SLF1: variants seen among roughly 807,000 people sequenced by gnomAD.
SLF1 encodes SMC5-SMC6 complex localization factor protein 1.
Under a neutral mutation model 123.0 loss-of-function variants are expected in SLF1, and 105 were observed. The observed-to-expected ratio is 0.85, with a 90% confidence interval of 0.73 to 1.00. The LOEUF (loss-of-function observed/expected upper bound fraction) is 1.00, where lower values mean the gene tolerates loss of function less well. SLF1 is among the 50% of genes least tolerant of loss of function. The probability of loss-of-function intolerance (pLI) is 0.00; values close to 1 mark genes in which losing one functional copy is unlikely to be tolerated. For missense variants in SLF1, 1,239 were observed against 1,223.0 expected (o/e 1.01, Z -0.20); for synonymous variants, 434 against 406.6 (o/e 1.07, Z -0.81).
intron 8 of SLF1, among the ~76,000 whole-genome samples, chr5:94,653,865 T>G (rs1161557325): frequency 6.6e-6 from 1 of 152,056 alleles, no homozygotes; most frequent in Admixed American, 6.6e-5. Context: ...TTTTTTTTTT[T>G]TTAACGATCT....
intron 4 of SLF1, among the ~76,000 whole-genome samples, chr5:94,635,246 G>A (rs1225999009): frequency 3.4e-5 from 5 of 147,598 alleles, no homozygotes; most frequent in East Asian, 4.0e-4. Flanking sequence ...CTTGGTTTTC[G>A]TTTACATGGA....
At chr5:94,656,915 TA>T (rs569429055) in intron 9 of SLF1, among the ~76,000 whole-genome samples, 57 of 150,862 alleles carry the variant, frequency 3.8e-4, no homozygotes, top group Middle Eastern at 3.4e-3. Context: ...GTTTAACTTT[TA>T]AAAAAAATTA....
intron 5 of SLF1, among the ~76,000 whole-genome samples, chr5:94,648,188 T>C (rs1464337029): frequency 1.3e-5 from 2 of 152,196 alleles, no homozygotes; most frequent in African/African-American, 4.8e-5. Flanking sequence ...TGATACATTC[T>C]TTGGTCCCAG....
At chr5:94,668,758 G>A (rs551609632) in intron 12 of SLF1, among the ~76,000 whole-genome samples, 71 of 152,172 alleles carry the variant, frequency 4.7e-4, no homozygotes, top group Non-Finnish European at 8.5e-4. Flanking sequence ...GGGATTACAG[G>A]AATGGGCCAC....
chr5:94,671,282 G>C (rs1002140449), intron 14 of SLF1, among the ~76,000 whole-genome samples: 1 of 151,598 alleles, frequency 6.6e-6, no homozygotes, highest in East Asian at 1.9e-4. Flanking sequence ...TTTTACTTTT[G>C]TGCAATTTGA....
Position 94,695,100 on chromosome 5 carries a change from C to T in SLF1, c.2965C>T (p.Leu989=). ...ASKGLTHLNE[L]LMACKSHKET... is the part of the protein sequence containing the mutation. ...CAAAGGGTTAACTCATCTAAATGAA[C>T]TGCTTATGGCTTGTAAAAGTCATAA... Residue 989 remains leucine (L), a synonymous_variant, in exon 21 of 21, where the codon CTG becomes TTG. Transcript: ENST00000265140. 7 of 1,612,660 alleles carry T rather than the reference C, an allele frequency of 4.3e-6. No individual in the cohort carries two copies. The highest frequency in any genetic ancestry group is 5.9e-6 in the Non-Finnish European group (7 of 1,179,156).
At chr5:94,631,796 C>A (rs1745223029) in intron 4 of SLF1, among the ~76,000 whole-genome samples, 1 of 151,982 alleles carries the variant, frequency 6.6e-6, no homozygotes, top group African/African-American at 2.4e-5. Context: ...TTTGAGATGG[C>A]AATTATGTGT....
At position 94,673,413 on chromosome 5, in the gene SLF1, G is replaced by A. The variant is rs150178714; in HGVS notation, c.1827+2405G>A. 2.9e-3 allele frequency among the ~76,000 whole-genome samples: 448 copies of A among 152,020 alleles called. 2 individuals are homozygous for A. The highest frequency in any genetic ancestry group is 0.014 in the Admixed American group (214 of 15,266). On this transcript the variant is annotated intron_variant, in intron 14 of 20. Coordinates refer to ENST00000265140, the MANE Select transcript of SLF1 (RefSeq NM_032290.4). ...ATTGAGGCCGGGTGCAGTGGTTCCT[G>A]CCTGTAATCCCAGCACTTTGATATG... is the stretch of plus-strand genomic sequence containing the variant.
rs1327684000 is a variant in SLF1 at position 94,618,727 on chromosome 5, G to GCCGCTGCCA, written c.-35_-27dup. On this transcript the variant is annotated 5_prime_UTR_variant, in exon 1 of 21. Transcript: ENST00000265140. ...TGCAGCGGCAGTCGTCGCCCCTGCC[G>GCCGCTGCCA]CCGCTGCCACCGAAGGAAGCATCCC... 1 of 154,796 alleles carries GCCGCTGCCA rather than the reference G, an allele frequency of 6.5e-6. No individual in the cohort carries two copies. The highest frequency in any genetic ancestry group is 1.5e-5 in the Non-Finnish European group (1 of 68,278). 9.6% of individuals were successfully genotyped at this position (154,796 alleles called of 1,614,324 possible).
At position 94,690,726 on chromosome 5, in the gene SLF1, T is replaced by A. The variant is rs1021170608; in HGVS notation, c.2420-838T>A. ...TTTCATTTTGTTTCCTAAGCAGTCA[T>A]TTATAGTAATTTTTTTAAAATTCCC... On this transcript the variant is annotated intron_variant, in intron 18 of 20. Coordinates refer to ENST00000265140, the MANE Select transcript of SLF1 (RefSeq NM_032290.4). 2.3e-4 allele frequency among the ~76,000 whole-genome samples: 35 copies of A among 151,936 alleles called. 1 individual carries two copies. Among genetic ancestry groups the A allele is most frequent in the Non-Finnish European group, 1.5e-5 (1 of 68,012 alleles).
chr5:94,692,149 G>A lies in SLF1; in HGVS notation c.2588G>A (p.Arg863His), dbSNP rs1561481170. The change falls in exon 20 of 21, where the codon CGT (arginine) becomes CAT (histidine). Residue 863 changes from arginine (R) to histidine (H), a missense_variant. By Grantham distance (29) the Arg-to-His change is conservative. Transcript: ENST00000265140. The stretch of plus-strand genomic sequence containing the variant: ...GTGTGTGTCCAGGAAATTTTGCAAC[G>A]TTGTCCAGAGGTAGATCTGCTCACT... ...NTVCVQEILQ[R>H]CPEVDLLTQV... The A allele has an allele frequency of 9.3e-6, 15 of 1,613,770 alleles. No individual in the cohort carries two copies. Among genetic ancestry groups the A allele is most frequent in the African/African-American group, 2.7e-5 (2 of 74,904 alleles).
At chr5:94,651,266 C>T (rs1011938862) in intron 6 of SLF1, among the ~76,000 whole-genome samples, 1 of 152,124 alleles carries the variant, frequency 6.6e-6, no homozygotes, top group Non-Finnish European at 1.5e-5. Flanking sequence ...CGCACAATGA[C>T]GAAATCAACT....
intron 14 of SLF1, 170 bp from the exon 15 acceptor site, chr5:94,678,638 T>A: frequency 1.9e-6 from 1 of 524,788 alleles, no homozygotes; most frequent in East Asian, 3.2e-5. Flanking sequence ...GAGAGAGAGA[T>A]GGAGGGGAGA....
intron 5 of SLF1, among the ~76,000 whole-genome samples, chr5:94,648,451 G>C (rs1289515068): frequency 6.6e-6 from 1 of 152,166 alleles, no homozygotes; most frequent in Non-Finnish European, 1.5e-5. Context: ...TGATTCTTCA[G>C]TCTCTTTGGG....
At chr5:94,655,052 G>T (rs1407319698) in intron 9 of SLF1, among the ~76,000 whole-genome samples, 5 of 152,108 alleles carry the variant, frequency 3.3e-5, no homozygotes, top group Non-Finnish European at 7.4e-5. Flanking sequence ...TTTTCTTCTA[G>T]TAGTTTTATA....
At chr5:94,656,011 A>G (rs1467199017) in intron 9 of SLF1, among the ~76,000 whole-genome samples, 1 of 151,934 alleles carries the variant, frequency 6.6e-6, no homozygotes, top group African/African-American at 2.4e-5. Context: ...AAAAGTAGGC[A>G]TTCTTTTCTA....
chr5:94,639,493 C>T (rs540922765), intron 4 of SLF1, among the ~76,000 whole-genome samples: 1 of 152,060 alleles, frequency 6.6e-6, no homozygotes, highest in Non-Finnish European at 1.5e-5. Context: ...TGTTCATAGT[C>T]AAATGTCAAA....
At chr5:94,687,060 G>C (rs1183607558) in intron 16 of SLF1, among the ~76,000 whole-genome samples, 1 of 152,120 alleles carries the variant, frequency 6.6e-6, no homozygotes, top group African/African-American at 2.4e-5. Flanking sequence ...CACCACGCCT[G>C]GCCCACAAAC....
In SLF1 at chr5:94,630,594, T is replaced by G; in HGVS notation, c.282T>G (p.Ile94Met). The G allele has an allele frequency of 6.4e-7, 1 of 1,551,646 alleles. No homozygotes were observed. Among genetic ancestry groups the G allele is most frequent in the Non-Finnish European group, 8.7e-7 (1 of 1,146,984 alleles). The change falls in exon 4 of 21, where the codon ATT becomes ATG. Residue 94 changes from isoleucine to methionine, a missense_variant. Transcript: ENST00000265140. ...DETTYEWGYK[I>M]EKDSRYSPQM... ...CAACTTATGAATGGGGATATAAAAT[T>G]GAAAAAGATTCCCGTTATTCACCTC... is the stretch of plus-strand genomic sequence containing the variant.
Sources: allele counts gnomAD v4.1 joint callset (sites outside exome capture counted in the v4.1 genomes callset), GRCh38; gene constraint gnomAD v4.1.1; transcripts MANE v1.5; gene names NCBI Gene and HGNC (gene_info 2026-07-23, HGNC 2026-07-21).